SLC12A2: variants seen among roughly 807,000 people sequenced by gnomAD.
The protein encoded by SLC12A2 is solute carrier family 12 member 2.
A neutral mutation model predicts 136.3 loss-of-function variants in SLC12A2; 67 were observed. That is an observed-to-expected ratio of 0.49 (90% CI 0.40 to 0.60). The LOEUF is 0.60. SLC12A2 is among the 20% of genes least tolerant of loss of function. SLC12A2 has a pLI of 0.00. For missense variants in SLC12A2, 1,322 were observed against 1,534.7 expected (o/e 0.86, Z 2.32); for synonymous variants, 619 against 562.9 (o/e 1.10, Z -1.41).
In SLC12A2 at chr5:128,167,594, A is replaced by G. The variant is rs144197000; in HGVS notation, c.2617-167A>G. Among the ~76,000 whole-genome samples, 623 of 152,174 alleles carry G rather than the reference A, an allele frequency of 4.1e-3. 6 individuals carry two copies. The highest frequency in any genetic ancestry group is 0.014 in the African/African-American group (582 of 41,542). On this transcript the variant is annotated intron_variant, in intron 17 of 26. Transcript: ENST00000262461. ...GTATGTTTAATTTTAAGTAATATCA[A>G]TGGAATAGTATATGTAATTTATAAG... is the stretch of plus-strand genomic sequence containing the variant.
At chr5:128,161,402 CTT>C (rs1763031080) in intron 16 of SLC12A2, among the ~76,000 whole-genome samples, 1 of 152,100 alleles carries the variant, frequency 6.6e-6, no homozygotes, top group African/African-American at 2.4e-5. Context: ...AGAATGGAAA[CTT>C]TTAATTTATT....
At position 128,151,179 on chromosome 5, in the gene SLC12A2, A is replaced by G. The variant is rs1277520666; in HGVS notation, c.2108-62A>G. On this transcript the variant is annotated intron_variant, in intron 13 of 26. Coordinates refer to ENST00000262461, the MANE Select transcript of SLC12A2 (RefSeq NM_001046.3). ...AAAGAATGTTATTTTTTGAATACAT[A>G]TGTACCATTGTGTAAAGCAGATGAG... The G allele has an allele frequency of 2.8e-5, 40 of 1,434,868 alleles. No homozygotes were observed. The Admixed American group carries it at 5.0e-4, about 18-fold the overall frequency. The allele number at this position is 1,434,868 out of a possible 1,614,324, so 88.9% of individuals were successfully genotyped here. A position where few individuals can be genotyped will look rare whatever the true frequency, so the allele number is the denominator to read the frequency against.
chr5:128,106,511 T>C (rs1253593819), intron 1 of SLC12A2, among the ~76,000 whole-genome samples: 1 of 152,196 alleles, frequency 6.6e-6, no homozygotes, highest in African/African-American at 2.4e-5. Context: ...AATTTTATTA[T>C]ATTTAAGTCT....
chr5:128,090,739 G>A (rs186993977), intron 1 of SLC12A2, among the ~76,000 whole-genome samples: 27 of 152,302 alleles, frequency 1.8e-4, no homozygotes, highest in Non-Finnish European at 2.9e-4. Flanking sequence ...GCAGATACCA[G>A]GGAAAGAACA....
intron 6 of SLC12A2, 56 bp from the exon 7 acceptor site, chr5:128,135,644 A>G: frequency 1.8e-6 from 2 of 1,136,958 alleles, no homozygotes; most frequent in Non-Finnish European, 2.6e-6. Context: ...AGGGGAATTG[A>G]ATCAAGATAT....
chr5:128,113,003 C>T (rs1761211523), intron 2 of SLC12A2, 70 bp downstream of exon 2: 1 of 1,354,136 alleles, frequency 7.4e-7, no homozygotes, highest in South Asian at 1.7e-5. Context: ...CTAACGTTCT[C>T]ATCAGTTCTC....
intron 15 of SLC12A2, among the ~76,000 whole-genome samples, chr5:128,156,223 A>G (rs1031953244): frequency 6.6e-6 from 1 of 152,126 alleles, no homozygotes; most frequent in Non-Finnish European, 1.5e-5. Context: ...AAAATCAGGT[A>G]GTTTCATAGC....
chr5:128,110,132 CATACTACTTTCTTTGACTAG>C (rs778078943), intron 1 of SLC12A2: 75 of 888,778 alleles, frequency 8.4e-5, no homozygotes, highest in Non-Finnish European at 1.2e-4. Context: ...TCATGGATGT[CATACTACTTTCTTTGACTAG>C]AAAGGTGAAG....
rs751031832 is a variant in SLC12A2 at position 128,148,744 on chromosome 5, C to CT, written c.1882-7dup. On this transcript the variant is annotated splice_polypyrimidine_tract_variant and intron_variant, in intron 11 of 26. Transcript: ENST00000262461. ...TTAATATGTTTCATTTTAATGTTTT[C>CT]TTTCATTAGGCTCTATGTAAGGACA... 1.3e-6 allele frequency: 2 copies of CT among 1,567,432 alleles called. No individual in the cohort carries two copies. The highest frequency in any genetic ancestry group is 4.2e-5 in the Admixed American group (2 of 47,186).
intron 1 of SLC12A2, among the ~76,000 whole-genome samples, chr5:128,096,874 A>T (rs1271263570): frequency 6.6e-6 from 1 of 152,100 alleles, no homozygotes; most frequent in Non-Finnish European, 1.5e-5. Flanking sequence ...GGAACAGAAG[A>T]TAAGAAAATC....
At chr5:128,178,733 A>G in intron 22 of SLC12A2, 44 bp downstream of exon 22, 1 of 1,436,986 alleles carries the variant, frequency 7.0e-7, no homozygotes, top group African/African-American at 1.5e-5. Context: ...ATTTACTGAC[A>G]TTGTGAGAAT....
chr5:128,173,417 G>A (rs1236399406), intron 19 of SLC12A2, among the ~76,000 whole-genome samples: 1 of 152,180 alleles, frequency 6.6e-6, no homozygotes, highest in African/African-American at 2.4e-5. Flanking sequence ...ATCATTTACT[G>A]AAGTTTGAAT....
rs767945017 is a variant in SLC12A2, at chr5:128,084,384, G to T, written c.430G>T (p.Val144Leu). ...CAAGGGCCGCTTCCGCGTGAACTTC[G>T]TGGACCCAGCTGCCTCCTCGTCGGC... ...EAKGRFRVNF[V>L]DPAASSSAED... The change falls in exon 1 of 27, where the codon GTG (valine) becomes TTG (leucine). Residue 144 changes from valine to leucine, a missense_variant. Physicochemically the swap from Val to Leu is conservative, Grantham distance 32. This residue lies in a region of SLC12A2 where 358 missense variants were observed against 299.7 expected (regional missense o/e 1.19). Transcript: ENST00000262461. This position sits in a 1 kb window ranked among gnomAD's most constrained non-coding sequence, Gnocchi z 5.6. 6 of 1,607,990 alleles carry T rather than the reference G, an allele frequency of 3.7e-6. No individual in the cohort carries two copies.
chr5:128,117,049 T>A (rs906045008), intron 4 of SLC12A2, among the ~76,000 whole-genome samples: 1 of 152,226 alleles, frequency 6.6e-6, no homozygotes, highest in Non-Finnish European at 1.5e-5. Context: ...TTTAGTTTTT[T>A]CCATTAAAGT....
At chr5:128,175,516 G>GT (rs200880343) in intron 20 of SLC12A2, among the ~76,000 whole-genome samples, 35 of 150,362 alleles carry the variant, frequency 2.3e-4, no homozygotes, top group Non-Finnish European at 4.5e-5. Flanking sequence ...CCTCTTTTTT[G>GT]TTTTTTTCTT....
chr5:128,126,967 T>TATATATATA (rs1491322749), intron 4 of SLC12A2, among the ~76,000 whole-genome samples: 7 of 29,646 alleles, frequency 2.4e-4, no homozygotes, highest in African/African-American at 9.6e-4. Flanking sequence ...TATATATATA[T>TATATATATA]TTTTTTTTTT....
chr5:128,084,704 G>T lies in SLC12A2; in HGVS notation c.750G>T (p.Leu250=). The T allele has an allele frequency of 6.3e-7, 1 of 1,592,826 alleles. No homozygotes were observed. The highest frequency in any genetic ancestry group is 2.3e-5 in the East Asian group (1 of 44,042). ...RPSLAELHDE[L]EKEPFEDGFA... ...GCCTGGCGGAGCTCCACGACGAGCT[G>T]GAAAAGGTGAGCTCGCCCAGCCCTC... The change falls in exon 1 of 27, where the codon CTG becomes CTT. Residue 250 remains leucine, a synonymous_variant. Transcript: ENST00000262461. The surrounding 1 kb of genome is among the most constrained non-coding windows in gnomAD (Gnocchi z 5.6).
chr5:128,178,660 T>C lies in SLC12A2; in HGVS notation c.3071T>C (p.Ile1024Thr), dbSNP rs1763606960. Residue 1024 changes from isoleucine (I) to threonine (T), a missense_variant, in exon 22 of 27, where the codon ATT becomes ACT. Physicochemically the swap from Ile to Thr is moderately conservative, Grantham distance 89. Coordinates refer to ENST00000262461, the MANE Select transcript of SLC12A2 (RefSeq NM_001046.3). ...QFQKKQGKNTIDVWWLFDDGG... is the reference protein window; with the variant it reads ...QFQKKQGKNTTDVWWLFDDGG... ...CAGAAAAAACAAGGAAAGAATACTATTGATGTCTGGTGGCTTTTTGATGAT... is the reference window on the plus strand; with the variant it reads ...CAGAAAAAACAAGGAAAGAATACTACTGATGTCTGGTGGCTTTTTGATGAT... 3.2e-6 allele frequency: 5 copies of C among 1,584,890 alleles called. No homozygotes were observed. Among genetic ancestry groups the C allele is most frequent in the Non-Finnish European group, 4.3e-6 (5 of 1,168,606 alleles).
intron 1 of SLC12A2, among the ~76,000 whole-genome samples, chr5:128,095,216 T>C (rs1304611381): frequency 6.6e-6 from 1 of 152,160 alleles, no homozygotes; most frequent in Non-Finnish European, 1.5e-5. Flanking sequence ...TTTGGGTCTT[T>C]AAAGGCCTGT....
Sources: allele counts gnomAD v4.1 joint callset (sites outside exome capture counted in the v4.1 genomes callset), GRCh38; gene constraint gnomAD v4.1.1; regional missense constraint gnomAD v4.1.1; non-coding constraint Gnocchi (gnomAD v3.1); transcripts MANE v1.5; gene names NCBI Gene and HGNC (gene_info 2026-07-23, HGNC 2026-07-21).